GSTO2: variants seen among roughly 807,000 people sequenced by gnomAD.
The protein encoded by GSTO2 is glutathione S-transferase omega-2.
In GSTO2, 23 loss-of-function variants were observed where a neutral mutation model predicts 28.4. The ratio of observed to expected loss-of-function variants is 0.81; its 90% CI spans 0.58 to 1.15. GSTO2 has a LOEUF of 1.15. GSTO2 is among the 50% of genes most tolerant of loss of function. The pLI is 0.00. For synonymous variants in GSTO2, 109 were observed against 111.0 expected, an observed-to-expected ratio of 0.98 and a Z score of 0.11; for missense variants, 298 against 297.8, an observed-to-expected ratio of 1.00 and a Z score of 0.00.
At position 104,299,251 on chromosome 10, in the gene GSTO2, C is replaced by G; in HGVS notation, c.699C>G (p.Asn233Lys). The change falls in exon 7 of 7, where the codon AAC becomes AAG. Residue 233 changes from asparagine to lysine, a missense_variant. Physicochemically the swap from Asn to Lys is moderately conservative, Grantham distance 94. Coordinates refer to ENST00000338595, the MANE Select transcript of GSTO2 (RefSeq NM_183239.2). ...GCTTCTTGAATCTCTATTTTCAGAA[C>G]AACCCTAATGCCTTTGACTTTGGGC... ...FQGFLNLYFQ[N>K]NPNAFDFGLC The G allele has an allele frequency of 6.2e-7, 1 of 1,614,158 alleles. No individual in the cohort carries two copies. The highest frequency in any genetic ancestry group is 1.1e-5 in the South Asian group (1 of 91,074).
At position 104,278,047 on chromosome 10, in the gene GSTO2, A is replaced by G. The variant is rs1249427067; in HGVS notation, c.297A>G (p.Gly99=). The G allele has an allele frequency of 6.2e-7, 1 of 1,614,164 alleles. No individual in the cohort carries two copies. Among genetic ancestry groups the G allele is most frequent in the East Asian group, 2.2e-5 (1 of 44,880 alleles). ...AGTACCTGGATGATGCTTATCCAGG[A>G]AGGAAGCTGTTTCCATATGACCCTT... is the stretch of plus-strand genomic sequence containing the variant. ...ACEYLDDAYP[G]RKLFPYDPYE... The change falls in exon 4 of 7, where the codon GGA becomes GGG. Residue 99 remains glycine, a synonymous_variant. Coordinates refer to ENST00000338595, the MANE Select transcript of GSTO2 (RefSeq NM_183239.2).
chr10:104,284,688 T>C (rs1277282274), intron 5 of GSTO2, among the ~76,000 whole-genome samples: 1 of 152,192 alleles, frequency 6.6e-6, no homozygotes, highest in Admixed American at 6.5e-5. Context: ...TGAGCCAGGC[T>C]TCATTTGATC....
rs1302008181 is a variant in GSTO2 at position 104,299,197 on chromosome 10, T to C, written c.645T>C (p.Ala215=). 6.2e-7 allele frequency: 1 copy of C among 1,614,112 alleles called. No individual in the cohort carries two copies. The highest frequency in any genetic ancestry group is 1.3e-5 in the African/African-American group (1 of 74,946). ...SAMKWDPTVC[A]LLMDKSIFQG... ...TGAAGTGGGACCCCACAGTCTGTGC[T>C]CTTCTCATGGATAAGAGCATTTTCC... is the stretch of plus-strand genomic sequence containing the variant. The change falls in exon 7 of 7, where the codon GCT becomes GCC. Residue 215 remains alanine, a synonymous_variant. Transcript: ENST00000338595.
intron 5 of GSTO2, among the ~76,000 whole-genome samples, chr10:104,285,491 C>T (rs1479733380): frequency 1.3e-5 from 2 of 152,028 alleles, no homozygotes; most frequent in East Asian, 3.9e-4. Context: ...ACTCTGTCAC[C>T]CACATTGGAG....
intron 5 of GSTO2, among the ~76,000 whole-genome samples, chr10:104,283,096 C>T (rs1411907352): frequency 6.6e-6 from 1 of 152,208 alleles, no homozygotes; most frequent in African/African-American, 2.4e-5. Context: ...TATTTCTAAA[C>T]TCAAGAGCTG....
intron 5 of GSTO2, among the ~76,000 whole-genome samples, chr10:104,289,486 A>G (rs1397088992): frequency 6.6e-6 from 1 of 152,168 alleles, no homozygotes; most frequent in Non-Finnish European, 1.5e-5. Flanking sequence ...CCAAATTTTG[A>G]CAGTTGTATT....
intron 5 of GSTO2, 105 bp from the exon 6 acceptor site, chr10:104,297,473 T>C: frequency 2.9e-6 from 2 of 684,950 alleles, no homozygotes; most frequent in Non-Finnish European, 5.0e-6. Flanking sequence ...GAGAGAGGCC[T>C]CAGTTCTCCC....
chr10:104,279,204 C>T (rs1482108640), intron 4 of GSTO2, among the ~76,000 whole-genome samples, 166 bp from the exon 5 acceptor site: 1 of 152,154 alleles, frequency 6.6e-6, no homozygotes. Flanking sequence ...CTACTGAGAA[C>T]CGGAACCACA....
At chr10:104,290,781 T>C (rs1408027756) in intron 5 of GSTO2, among the ~76,000 whole-genome samples, 1 of 151,362 alleles carries the variant, frequency 6.6e-6, no homozygotes, top group African/African-American at 2.5e-5. Context: ...GTGGGGATGG[T>C]TAATGGGTAC....
chr10:104,271,729 C>T (rs781475686), intron 1 of GSTO2, among the ~76,000 whole-genome samples: 2 of 152,212 alleles, frequency 1.3e-5, no homozygotes, highest in Non-Finnish European at 2.9e-5. Flanking sequence ...TTTTCATGAA[C>T]ATTTCCCAAC....
rs1251030070 is a variant in GSTO2 at position 104,275,428 on chromosome 10, C to A, written c.143+94C>A. The stretch of plus-strand genomic sequence containing the variant: ...TCTGGGGCGCCCTGCTCAGCTTTTA[C>A]AAGGGGCTCCCTGTCCCTTTTTTCG... On this transcript the variant is annotated intron_variant, in intron 3 of 6. Coordinates refer to ENST00000338595, the MANE Select transcript of GSTO2 (RefSeq NM_183239.2). 10 of 1,115,968 alleles carry A rather than the reference C, an allele frequency of 9.0e-6. No individual in the cohort carries two copies. In the African/African-American group the frequency reaches 1.3e-4, roughly 14 times the overall value. The allele number at this position is 1,115,968 out of a possible 1,614,324, so 69.1% of individuals were successfully genotyped here. A position where few individuals can be genotyped will look rare whatever the true frequency, so the allele number is the denominator to read the frequency against.
At chr10:104,297,213 GCCT>G (rs1328126559) in intron 5 of GSTO2, 3 of 161,736 alleles carry the variant, frequency 1.9e-5, no homozygotes, top group African/African-American at 7.2e-5. Flanking sequence ...CTGAAGGGGA[GCCT>G]CCTCTGTCCA....
rs568776493 is a variant in GSTO2, at chr10:104,303,062, T to G, written c.*3778T>G. 6.6e-6 allele frequency: 1 copy of G among 152,338 alleles called. No individual in the cohort carries two copies. Among genetic ancestry groups the G allele is most frequent in the South Asian group, 2.1e-4 (1 of 4,824 alleles). The allele number at this position is 152,338 out of a possible 1,614,324, so 9.4% of individuals were successfully genotyped here. ...ATTATTTCATCACCTAGATATTAAG[T>G]CTAGTATCCATTAGTTATTTTTCCT... On this transcript the variant is annotated 3_prime_UTR_variant, in exon 7 of 7. Coordinates refer to ENST00000338595, the MANE Select transcript of GSTO2 (RefSeq NM_183239.2).
chr10:104,287,262 C>A (rs909831437), intron 5 of GSTO2, among the ~76,000 whole-genome samples: 6 of 152,208 alleles, frequency 3.9e-5, no homozygotes, highest in Non-Finnish European at 7.3e-5. Flanking sequence ...CCCTCTGTTG[C>A]CCAGGCTGGT....
At chr10:104,279,311 G>C in intron 4 of GSTO2, 59 bp from the exon 5 acceptor site, 2 of 1,430,374 alleles carry the variant, frequency 1.4e-6, no homozygotes, top group Non-Finnish European at 2.0e-6. Flanking sequence ...TTTTCAGGCA[G>C]AACAGGAACT....
At chr10:104,277,117 C>T (rs11812790) in intron 3 of GSTO2, among the ~76,000 whole-genome samples, 34 of 152,196 alleles carry the variant, frequency 2.2e-4, no homozygotes, top group African/African-American at 8.2e-4. Context: ...CAAGCTAGAC[C>T]GTTTATTCTG....
chr10:104,273,916 C>T (rs926386107), intron 1 of GSTO2, among the ~76,000 whole-genome samples: 4 of 152,072 alleles, frequency 2.6e-5, no homozygotes, highest in East Asian at 1.9e-4. Context: ...TTTTTCTTTC[C>T]TTCATGATCT....
chr10:104,281,212 A>G (rs1309030889), intron 5 of GSTO2, among the ~76,000 whole-genome samples: 1 of 152,194 alleles, frequency 6.6e-6, no homozygotes, highest in East Asian at 1.9e-4. Flanking sequence ...ACTGCCTTCA[A>G]CCACCATGTT....
chr10:104,270,358 G>T (rs1232500399), intron 1 of GSTO2, among the ~76,000 whole-genome samples: 1 of 149,074 alleles, frequency 6.7e-6, no homozygotes, highest in African/African-American at 2.6e-5. Flanking sequence ...GATTTAACAG[G>T]AGTTAATGAG....
Sources: gnomAD v4.1 joint callset for allele counts (sites outside exome capture counted in the v4.1 genomes callset) on GRCh38, gnomAD v4.1.1 for gene constraint, MANE v1.5 for transcripts, NCBI Gene and HGNC (gene_info 2026-07-23, HGNC 2026-07-21) for gene names.